The following CPA4 variants were observed in gnomAD, a reference collection of about 807,000 sequenced individuals.
CPA4 encodes the protein carboxypeptidase A4.
A neutral mutation model predicts 54.7 loss-of-function variants in CPA4; 49 were observed. The observed-to-expected ratio is 0.90, with a 90% CI of 0.71 to 1.14. The LOEUF is 1.14. CPA4 is among the 50% of genes most tolerant of loss of function. The pLI is 0.00. For missense variants in CPA4, 487 were observed against 525.1 expected (o/e 0.93, Z 0.71); for synonymous variants, 215 against 206.8 (o/e 1.04, Z -0.34).
rs1793897703 is a variant in CPA4, at chr7:130,310,732, A to G, written c.794-55A>G. Reference sequence around the variant, plus strand: ...CCCCTCTCTAGGTGGAGCGTCTTGCATTTCTGTGTTCTTGGACTATGAGTT... The same window carrying G: ...CCCCTCTCTAGGTGGAGCGTCTTGCGTTTCTGTGTTCTTGGACTATGAGTT... On this transcript the variant is annotated intron_variant, in intron 8 of 10. Transcript: ENST00000222482. The surrounding 1 kb of genome is among the most constrained non-coding windows in gnomAD (Gnocchi z 4.3). 2 of 1,547,594 alleles carry G rather than the reference A, an allele frequency of 1.3e-6. No individual in the cohort carries two copies. The highest frequency in any genetic ancestry group is 1.4e-5 in the African/African-American group (1 of 73,638).
rs978387223 is a variant in CPA4 at position 130,307,027 on chromosome 7, C to A, written c.702+130C>A. The stretch of plus-strand genomic sequence containing the variant: ...CTTCCTTGGGATTTCATCTTCTAGT[C>A]ATCCTCAGAGCTGAGAATCACCAGG... On this transcript the variant is annotated intron_variant, in intron 7 of 10. Transcript: ENST00000222482. 44 of 686,588 alleles carry A rather than the reference C, an allele frequency of 6.4e-5. No homozygotes were observed. The East Asian group carries it at 1.2e-3, about 18-fold the overall frequency. The allele number at this position is 686,588 out of a possible 1,614,324, so 42.5% of individuals were successfully genotyped here. A position where few individuals can be genotyped will look rare whatever the true frequency, so the allele number is the denominator to read the frequency against.
chr7:130,299,729 C>A, intron 3 of CPA4: 1 of 260,060 alleles, frequency 3.8e-6, no homozygotes, highest in Middle Eastern at 1.3e-3. Context: ...ATAGTGAGAC[C>A]TTCGTCATGT....
intron 4 of CPA4, among the ~76,000 whole-genome samples, chr7:130,301,568 T>C (rs1194074948): frequency 1.3e-5 from 2 of 152,206 alleles, no homozygotes; most frequent in Non-Finnish European, 2.9e-5. Context: ...TTCATTCATC[T>C]GCAGACAACT....
intron 5 of CPA4, among the ~76,000 whole-genome samples, chr7:130,305,526 A>G (rs1409030392): frequency 6.6e-6 from 1 of 152,160 alleles, no homozygotes; most frequent in Non-Finnish European, 1.5e-5. Flanking sequence ...GAGACATAAC[A>G]TTATCTCTAA....
Position 130,316,909 on chromosome 7 carries a change from CAAA to C in CPA4, c.1078+4804_1078+4806del, listed in dbSNP as rs55938623. 3.7e-3 allele frequency among the ~76,000 whole-genome samples: 458 copies of C among 124,738 alleles called. 4 individuals are homozygous for C. The highest frequency in any genetic ancestry group is 0.013 in the African/African-American group (429 of 33,074). 81.8% of individuals were successfully genotyped at this position (124,738 alleles called of 152,430 possible). Reference sequence around the variant, plus strand: ...GGGCTACAAGAGCGAAACTCTGTCTCAAAAAAAAAAAAAAAAAAATTGAAGATA... The same window carrying C: ...GGGCTACAAGAGCGAAACTCTGTCTCAAAAAAAAAAAAAAAATTGAAGATA... On this transcript the variant is annotated intron_variant, in intron 10 of 10. Coordinates refer to ENST00000222482, the MANE Select transcript of CPA4 (RefSeq NM_016352.4).
Position 130,305,930 on chromosome 7 carries a change from C to T in CPA4, c.591+10C>T, listed in dbSNP as rs373582879. 2.7e-5 allele frequency: 43 copies of T among 1,604,574 alleles called. No individual in the cohort carries two copies. The African/African-American group carries it at 2.8e-4, about 10-fold the overall frequency. On this transcript the variant is annotated intron_variant, in intron 6 of 10. Transcript: ENST00000222482. ...CTGGACGGCAAGGAAGGTCATGCTGCGTGGTATTAGCCAGGAATGCTGATG... is the reference window on the plus strand; with the variant it reads ...CTGGACGGCAAGGAAGGTCATGCTGTGTGGTATTAGCCAGGAATGCTGATG...
intron 10 of CPA4, among the ~76,000 whole-genome samples, chr7:130,321,550 T>C (rs1163499359): frequency 6.6e-6 from 1 of 152,176 alleles, no homozygotes; most frequent in Non-Finnish European, 1.5e-5. Context: ...TTGTCCATTT[T>C]CACACTGCTG....
At chr7:130,296,483 C>T (rs1793650223) in intron 1 of CPA4, among the ~76,000 whole-genome samples, 2 of 152,160 alleles carry the variant, frequency 1.3e-5, no homozygotes, top group Non-Finnish European at 2.9e-5. Context: ...AACTAAAACG[C>T]ATGTGTTGGG....
At chr7:130,311,388 C>T (rs1012995213) in intron 9 of CPA4, among the ~76,000 whole-genome samples, 2 of 152,186 alleles carry the variant, frequency 1.3e-5, no homozygotes, top group Non-Finnish European at 2.9e-5. Context: ...TCATCCAGAA[C>T]GTGGGCCATC....
intron 1 of CPA4, among the ~76,000 whole-genome samples, chr7:130,297,996 C>G (rs988152538): frequency 1.3e-5 from 2 of 152,204 alleles, no homozygotes; most frequent in Non-Finnish European, 2.9e-5. Context: ...GGGACTGAGA[C>G]TGGCCGGCCC....
intron 6 of CPA4, chr7:130,306,229 G>T (rs569305940): frequency 4.5e-5 from 17 of 377,140 alleles, no homozygotes; most frequent in Non-Finnish European, 7.3e-5. Flanking sequence ...GACCCTCGGG[G>T]ACCTCACGCC....
At chr7:130,293,297 C>A in intron 1 of CPA4, 49 bp downstream of exon 1, 1 of 1,030,600 alleles carries the variant, frequency 9.7e-7, no homozygotes, top group Non-Finnish European at 1.5e-6. Flanking sequence ...AATATGGGAG[C>A]CAAATGGAAC....
chr7:130,315,428 G>A (rs1203122139), intron 10 of CPA4, among the ~76,000 whole-genome samples: 5 of 138,418 alleles, frequency 3.6e-5, no homozygotes, highest in Admixed American at 7.3e-5. Flanking sequence ...ACTTGGTGAG[G>A]GTGTTTTTTA....
chr7:130,308,132 A>T, intron 7 of CPA4, 175 bp from the exon 8 acceptor site: 1 of 622,194 alleles, frequency 1.6e-6, no homozygotes, highest in South Asian at 1.9e-5. Context: ...GGAAGGGGAA[A>T]TACTCCTCTC....
At chr7:130,320,529 TC>T (rs1252102227) in intron 10 of CPA4, among the ~76,000 whole-genome samples, 2 of 152,128 alleles carry the variant, frequency 1.3e-5, no homozygotes, top group African/African-American at 4.8e-5. Flanking sequence ...ACTGGAAGCA[TC>T]CCTAGAAAAA....
Position 130,310,124 on chromosome 7 carries a change from T to C in CPA4, c.794-663T>C, listed in dbSNP as rs78941527. On this transcript the variant is annotated intron_variant, in intron 8 of 10. Transcript: ENST00000222482. The surrounding 1 kb of genome is among the most constrained non-coding windows in gnomAD (Gnocchi z 4.3). Reference sequence around the variant, plus strand: ...TTGTATAGAAATACCACACAAACCATTGGGGGAAAATAATGACTGTGGGAA... The same window carrying C: ...TTGTATAGAAATACCACACAAACCACTGGGGGAAAATAATGACTGTGGGAA... Among the ~76,000 whole-genome samples the C allele has an allele frequency of 5.5e-4, 83 of 152,230 alleles. No individual in the cohort carries two copies. Among genetic ancestry groups the C allele is most frequent in the South Asian group, 4.6e-3 (22 of 4,818 alleles).
At chr7:130,307,772 C>T (rs1793848039) in intron 7 of CPA4, among the ~76,000 whole-genome samples, 1 of 152,166 alleles carries the variant, frequency 6.6e-6, no homozygotes, top group African/African-American at 2.4e-5. Flanking sequence ...TTAAAAGTCT[C>T]ACTCATTTAG....
intron 5 of CPA4, 90 bp downstream of exon 5, chr7:130,304,669 C>G: frequency 1.2e-6 from 1 of 829,140 alleles, no homozygotes; most frequent in Non-Finnish European, 2.1e-6. Flanking sequence ...TTTTGAACTC[C>G]TTGACTTCAG....
chr7:130,307,713 T>C (rs1793846805), intron 7 of CPA4, among the ~76,000 whole-genome samples: 1 of 152,112 alleles, frequency 6.6e-6, no homozygotes, highest in Non-Finnish European at 1.5e-5. Context: ...CACCTGGTGC[T>C]GTGTCTCTGC....
Sources: allele counts gnomAD v4.1 joint callset (sites outside exome capture counted in the v4.1 genomes callset), GRCh38; gene constraint gnomAD v4.1.1; non-coding constraint Gnocchi (gnomAD v3.1); transcripts MANE v1.5; gene names NCBI Gene and HGNC (gene_info 2026-07-23, HGNC 2026-07-21).